Variants in XXYLT1 observed in about 807,000 individuals in gnomAD.
The protein encoded by XXYLT1 is UDP-xylose:alpha-xyloside alpha-1,3-xylosyltransferase.
In XXYLT1, 20 loss-of-function variants were observed where a neutral mutation model predicts 28.9. That is an observed-to-expected ratio of 0.69 (90% CI 0.49 to 1.00). The LOEUF is 1.00. Among genes scored for constraint, XXYLT1 ranks in the 50% least tolerant of loss-of-function variants. XXYLT1 has a pLI of 0.00. For missense variants in XXYLT1, 542 were observed against 560.1 expected (o/e 0.97, Z 0.33); for synonymous variants, 257 against 253.8 (o/e 1.01, Z -0.12).
rs147287310 is a variant in XXYLT1, at chr3:195,257,309, A to G, written c.504+13246T>C. Among the ~76,000 whole-genome samples, 1 of 152,142 alleles carries G rather than the reference A, an allele frequency of 6.6e-6. No homozygotes were observed. Among genetic ancestry groups the G allele is most frequent in the East Asian group, 1.9e-4 (1 of 5,162 alleles). ...CCCATGCCAGGCCCTGCGCCACTAC[A>G]TCCTGGAGACACAGAATGAAATAAG... On this transcript the variant is annotated intron_variant, in intron 1 of 3. Transcript: ENST00000310380. The surrounding 1 kb of genome is among the most constrained non-coding windows in gnomAD (Gnocchi z 4.3).
chr3:195,184,964 T>C (rs943368735), intron 2 of XXYLT1, among the ~76,000 whole-genome samples: 3 of 152,090 alleles, frequency 2.0e-5, no homozygotes, highest in Admixed American at 1.3e-4. Flanking sequence ...TTACAAACCA[T>C]ACAAATCAGA....
At chr3:195,270,086 T>G in intron 1 of XXYLT1, 1 of 248,668 alleles carries the variant, frequency 4.0e-6, no homozygotes, top group Non-Finnish European at 8.5e-6. Context: ...CCTACTGAAA[T>G]ACCTTAAGAG....
At chr3:195,208,302 G>C (rs994279187) in intron 2 of XXYLT1, among the ~76,000 whole-genome samples, 3 of 152,046 alleles carry the variant, frequency 2.0e-5, no homozygotes, top group African/African-American at 7.2e-5. Flanking sequence ...ACTCACATCT[G>C]TTCCCCTCCC....
At chr3:195,169,786 T>C (rs1721305452) in intron 2 of XXYLT1, among the ~76,000 whole-genome samples, 1 of 151,794 alleles carries the variant, frequency 6.6e-6, no homozygotes, top group Non-Finnish European at 1.5e-5. Flanking sequence ...AACTATATAA[T>C]ATTGTAATAT....
chr3:195,095,824 A>G (rs900761335), intron 3 of XXYLT1: 4 of 152,204 alleles, frequency 2.6e-5, no homozygotes, highest in African/African-American at 9.6e-5. Flanking sequence ...CAGCAGCTCA[A>G]CAGGGATGAG....
At chr3:195,123,987 C>T (rs914595559) in intron 3 of XXYLT1, among the ~76,000 whole-genome samples, 5 of 152,242 alleles carry the variant, frequency 3.3e-5, no homozygotes, top group Non-Finnish European at 5.9e-5. Flanking sequence ...AAAGCTAACG[C>T]TCAACAAAGC....
chr3:195,245,709 C>T (rs149248105), intron 1 of XXYLT1, among the ~76,000 whole-genome samples: 1 of 152,246 alleles, frequency 6.6e-6, no homozygotes, highest in Non-Finnish European at 1.5e-5. Flanking sequence ...ATCATGGGGG[C>T]GGGTCCTTCA....
intron 3 of XXYLT1, among the ~76,000 whole-genome samples, chr3:195,126,160 T>C (rs1185736930): frequency 2.0e-5 from 3 of 152,202 alleles, no homozygotes; most frequent in African/African-American, 7.2e-5. Flanking sequence ...TGAGTTGAGT[T>C]CTACCCCTAA....
At chr3:195,079,541 T>C (rs976069741) in intron 3 of XXYLT1, among the ~76,000 whole-genome samples, 2 of 152,158 alleles carry the variant, frequency 1.3e-5, no homozygotes, top group African/African-American at 4.8e-5. Flanking sequence ...AGTATAATGT[T>C]TGTAATAAGC....
intron 1 of XXYLT1, among the ~76,000 whole-genome samples, chr3:195,247,503 C>A (rs997579800): frequency 6.6e-6 from 1 of 152,266 alleles, no homozygotes; most frequent in African/African-American, 2.4e-5. Flanking sequence ...ACCTCACCCT[C>A]GTGCACAGCT....
In XXYLT1 at chr3:195,110,096, G is replaced by A. The variant is rs1410250760; in HGVS notation, c.786-39985C>T. Among the ~76,000 whole-genome samples, 21 of 63,440 alleles carry A rather than the reference G, an allele frequency of 3.3e-4. 9 individuals carry two copies. Among genetic ancestry groups the A allele is most frequent in the Non-Finnish European group, 7.5e-4 (19 of 25,404 alleles). The allele number at this position is 63,440 out of a possible 152,430, so 41.6% of individuals were successfully genotyped here. A position where few individuals can be genotyped will look rare whatever the true frequency, so the allele number is the denominator to read the frequency against. On this transcript the variant is annotated intron_variant, in intron 3 of 3. Coordinates refer to ENST00000310380, the MANE Select transcript of XXYLT1 (RefSeq NM_152531.5). The stretch of plus-strand genomic sequence containing the variant: ...TGGTGTGTGTGGTGTATGAGTGTGC[G>A]TGTGTGGTGTATGTGTGCATGTGTG...
intron 3 of XXYLT1, among the ~76,000 whole-genome samples, chr3:195,079,219 G>A (rs1715292076): frequency 1.3e-5 from 2 of 152,194 alleles, no homozygotes; most frequent in South Asian, 4.1e-4. Context: ...CTTGGAGAAG[G>A]AGAGGGATGG....
chr3:195,271,126 C>T lies in XXYLT1; in HGVS notation c.-68G>A, dbSNP rs866949906. The T allele has an allele frequency of 8.7e-6, 11 of 1,271,312 alleles. No individual in the cohort carries two copies. The highest frequency in any genetic ancestry group is 6.5e-5 in the East Asian group (2 of 30,930). The allele number at this position is 1,271,312 out of a possible 1,614,324, so 78.8% of individuals were successfully genotyped here. ...GAGCCCTCGGGTACCCGGACGCCGG[C>T]GGCCACTTAGCCCCGGCGCCAGGCG... On this transcript the variant is annotated 5_prime_UTR_variant, in exon 1 of 4. Coordinates refer to ENST00000310380, the MANE Select transcript of XXYLT1 (RefSeq NM_152531.5).
intron 3 of XXYLT1, among the ~76,000 whole-genome samples, chr3:195,081,618 A>G (rs1715439173): frequency 6.6e-6 from 1 of 152,262 alleles, no homozygotes; most frequent in South Asian, 2.1e-4. Flanking sequence ...CTGCATCTAC[A>G]CTGGAGAAGG....
intron 3 of XXYLT1, among the ~76,000 whole-genome samples, chr3:195,141,137 C>A (rs1174643418): frequency 6.6e-6 from 1 of 152,204 alleles, no homozygotes; most frequent in Non-Finnish European, 1.5e-5. Context: ...GCAATAAATT[C>A]TGTTGTTTAT....
chr3:195,257,709 ACACT>A lies in XXYLT1; in HGVS notation c.504+12842_504+12845del, dbSNP rs1272585420. 1.3e-5 allele frequency among the ~76,000 whole-genome samples: 2 copies of A among 151,954 alleles called. No homozygotes were observed. Among genetic ancestry groups the A allele is most frequent in the African/African-American group, 4.8e-5 (2 of 41,358 alleles). On this transcript the variant is annotated intron_variant, in intron 1 of 3. Coordinates refer to ENST00000310380, the MANE Select transcript of XXYLT1 (RefSeq NM_152531.5). This position sits in a 1 kb window ranked among gnomAD's most constrained non-coding sequence, Gnocchi z 4.3. ...ACTCTCTGCCAACCCAGAGAGCCAC[ACACT>A]CACCCAGCCAGGCCGCCCTACCCCA...
intron 3 of XXYLT1, among the ~76,000 whole-genome samples, chr3:195,145,149 G>T: frequency 6.6e-6 from 1 of 152,228 alleles, no homozygotes; most frequent in East Asian, 1.9e-4. Flanking sequence ...GTCAACATAG[G>T]ATGGTCCTAG....
intron 2 of XXYLT1, among the ~76,000 whole-genome samples, chr3:195,197,223 G>A (rs1214343530): frequency 6.6e-6 from 1 of 152,188 alleles, no homozygotes; most frequent in African/African-American, 2.4e-5. Context: ...GATCACCTGA[G>A]ATCAGGAGTT....
At chr3:195,160,045 G>A (rs1361111013) in intron 2 of XXYLT1, among the ~76,000 whole-genome samples, 1 of 151,710 alleles carries the variant, frequency 6.6e-6, no homozygotes, top group Non-Finnish European at 1.5e-5. Context: ...TTACAACCCA[G>A]AGTGAGTAAT....
Sources: gnomAD v4.1 joint callset for allele counts (sites outside exome capture counted in the v4.1 genomes callset) on GRCh38, gnomAD v4.1.1 for gene constraint, Gnocchi (gnomAD v3.1) non-coding constraint, MANE v1.5 for transcripts, NCBI Gene and HGNC (gene_info 2026-07-23, HGNC 2026-07-21) for gene names.